NOVA1: variants seen among roughly 807,000 people sequenced by gnomAD.
The protein encoded by NOVA1 is RNA-binding protein Nova-1.
NOVA1 carries 7 observed loss-of-function variants against 38.0 expected under a neutral mutation model. The ratio of observed to expected loss-of-function variants is 0.18; its 90% CI spans 0.10 to 0.35. The LOEUF is 0.35. Ranked by LOEUF, NOVA1 falls within the 10% of genes least tolerant of loss-of-function variation. NOVA1 has a pLI of 1.00. For synonymous variants in NOVA1, 270 were observed against 232.5 expected (o/e 1.16, Z -1.47); for missense variants, 460 against 616.0 (o/e 0.75, Z 2.68).
rs901095588 is a variant in NOVA1, at chr14:26,447,043, T to C, written c.*916A>G. 1 of 152,664 alleles carries C rather than the reference T, an allele frequency of 6.6e-6. No homozygotes were observed. Among genetic ancestry groups the C allele is most frequent in the Admixed American group, 6.5e-5 (1 of 15,292 alleles). The allele number at this position is 152,664 out of a possible 1,614,324, so 9.5% of individuals were successfully genotyped here. On this transcript the variant is annotated 3_prime_UTR_variant, in exon 5 of 5. Transcript: ENST00000539517. ...AATTATAAGCTCTTAAAATGCAACA[T>C]ACTTATCAAGCAGTTGCAGATAATG...
intron 2 of NOVA1, among the ~76,000 whole-genome samples, chr14:26,514,127 T>C (rs1888290365): frequency 6.6e-6 from 1 of 151,752 alleles, no homozygotes. Context: ...TCAGGATTGA[T>C]CACATTTAAC....
chr14:26,531,594 C>T (rs1378615017), intron 2 of NOVA1, among the ~76,000 whole-genome samples: 2 of 142,448 alleles, frequency 1.4e-5, no homozygotes, highest in Non-Finnish European at 1.6e-5. Flanking sequence ...GCAACAACAG[C>T]GAAACTCCGT....
chr14:26,545,414 CA>C (rs1215381545), intron 2 of NOVA1, among the ~76,000 whole-genome samples: 18 of 151,752 alleles, frequency 1.2e-4, no homozygotes, highest in Admixed American at 7.9e-4. Flanking sequence ...CAATAAAGGC[CA>C]AAAGAAAGCA....
intron 2 of NOVA1, among the ~76,000 whole-genome samples, chr14:26,497,498 A>C (rs1376280888): frequency 6.6e-6 from 1 of 152,212 alleles, no homozygotes; most frequent in Admixed American, 6.5e-5. Context: ...GATCATGATT[A>C]GACCTTTCTA....
chr14:26,550,494 T>A (rs76339268), intron 2 of NOVA1, among the ~76,000 whole-genome samples: 1 of 152,156 alleles, frequency 6.6e-6, no homozygotes, highest in Non-Finnish European at 1.5e-5. Flanking sequence ...AAGTTTGAGA[T>A]CACTTTAGCT....
intron 2 of NOVA1, chr14:26,519,410 C>G (rs1474783530): frequency 1.3e-5 from 2 of 152,048 alleles, no homozygotes; most frequent in Admixed American, 1.3e-4. Context: ...ATTAGAGAAT[C>G]AACAGCACAA....
At chr14:26,452,291 T>G (rs1882759996) in intron 4 of NOVA1, among the ~76,000 whole-genome samples, 1 of 152,080 alleles carries the variant, frequency 6.6e-6, no homozygotes, top group Non-Finnish European at 1.5e-5. Flanking sequence ...GAAAAGAAGT[T>G]GAGACAAAAA....
chr14:26,574,179 C>A (rs867775651), intron 2 of NOVA1, among the ~76,000 whole-genome samples: 1 of 151,370 alleles, frequency 6.6e-6, no homozygotes, highest in African/African-American at 2.4e-5. Flanking sequence ...GCACCTGTTA[C>A]CACGCCTGGC....
rs1439353512 is a variant in NOVA1, at chr14:26,447,790, T to G, written c.*169A>C. ...AAGAAAAAATTCTTTCTATGAAACA[T>G]CTGGTAAAACACATATTATTTACAT... On this transcript the variant is annotated 3_prime_UTR_variant, in exon 5 of 5. Transcript: ENST00000539517. 1.6e-6 allele frequency: 1 copy of G among 619,738 alleles called. No individual in the cohort carries two copies. The highest frequency in any genetic ancestry group is 2.9e-6 in the Non-Finnish European group (1 of 350,344). 38.4% of individuals were successfully genotyped at this position (619,738 alleles called of 1,614,324 possible). A position where few individuals can be genotyped will look rare whatever the true frequency, so the allele number is the denominator to read the frequency against.
At chr14:26,571,794 A>T (rs971861186) in intron 2 of NOVA1, among the ~76,000 whole-genome samples, 3 of 152,242 alleles carry the variant, frequency 2.0e-5, no homozygotes, top group Non-Finnish European at 4.4e-5. Context: ...ATCAAAACTC[A>T]ATAGAATATT....
chr14:26,478,963 A>T (rs1885213317), intron 3 of NOVA1: 1 of 151,850 alleles, frequency 6.6e-6, no homozygotes, highest in Admixed American at 6.6e-5. Context: ...ATTATTCAAC[A>T]TTATATTTAT....
At chr14:26,517,516 A>T (rs178180) in intron 2 of NOVA1, among the ~76,000 whole-genome samples, 149,138 of 152,296 alleles carry the variant, frequency 0.98, 73,100 homozygotes, top group Middle Eastern at 1. Context: ...ATGTAATAAG[A>T]GTTCATTAAA....
chr14:26,513,830 C>G (rs534997984), intron 2 of NOVA1, among the ~76,000 whole-genome samples: 1 of 151,694 alleles, frequency 6.6e-6, no homozygotes, highest in African/African-American at 2.4e-5. Context: ...CTAAAAATTA[C>G]AAATCCAAAC....
At chr14:26,548,548 T>TAA (rs199718271) in intron 2 of NOVA1, among the ~76,000 whole-genome samples, 6 of 150,976 alleles carry the variant, frequency 4.0e-5, no homozygotes, top group African/African-American at 1.2e-4. Flanking sequence ...TACTATTGAC[T>TAA]AAAAAAAAAC....
At chr14:26,521,404 C>A (rs1888878554) in intron 2 of NOVA1, among the ~76,000 whole-genome samples, 1 of 152,012 alleles carries the variant, frequency 6.6e-6, no homozygotes, top group Admixed American at 6.6e-5. Flanking sequence ...ATTGCTATTA[C>A]AAAACAGAAA....
chr14:26,539,366 G>A (rs1890305729), intron 2 of NOVA1, among the ~76,000 whole-genome samples: 3 of 152,096 alleles, frequency 2.0e-5, no homozygotes, highest in Non-Finnish European at 2.9e-5. Context: ...ACACACCAAC[G>A]TTAATATAAA....
At chr14:26,481,040 T>C (rs1885415666) in intron 2 of NOVA1, among the ~76,000 whole-genome samples, 1 of 152,098 alleles carries the variant, frequency 6.6e-6, no homozygotes, top group South Asian at 2.1e-4. Flanking sequence ...TTTACAGATA[T>C]ACATTAAGGC....
At chr14:26,482,442 A>C (rs1885546868) in intron 2 of NOVA1, among the ~76,000 whole-genome samples, 1 of 152,150 alleles carries the variant, frequency 6.6e-6, no homozygotes, top group Admixed American at 6.5e-5. Flanking sequence ...GAAAGTCACA[A>C]AAAAGGGAGA....
At chr14:26,537,455 T>C (rs1002679587) in intron 2 of NOVA1, among the ~76,000 whole-genome samples, 1 of 152,148 alleles carries the variant, frequency 6.6e-6, no homozygotes, top group Admixed American at 6.5e-5. Context: ...GGAAAGTTTT[T>C]TTAAATTTCA....
Sources: gnomAD v4.1 joint callset for allele counts (sites outside exome capture counted in the v4.1 genomes callset) on GRCh38, gnomAD v4.1.1 for gene constraint, MANE v1.5 for transcripts, NCBI Gene and HGNC (gene_info 2026-07-23, HGNC 2026-07-21) for gene names.